Variants in ITPKA observed in about 807,000 individuals in gnomAD.
ITPKA encodes the protein IP3 3-kinase A.
ITPKA carries 16 observed loss-of-function variants against 40.7 expected under a neutral mutation model. That is an observed-to-expected ratio of 0.39 (90% CI 0.27 to 0.60). The LOEUF (loss-of-function observed/expected upper bound fraction) is 0.60, where lower values mean the gene tolerates loss of function less well. Among genes scored for constraint, ITPKA ranks in the 20% least tolerant of loss-of-function variants. The pLI, the probability that ITPKA is intolerant of heterozygous loss-of-function variation, is 0.50. For synonymous variants in ITPKA, 313 were observed against 289.9 expected (o/e 1.08, Z -0.81); for missense variants, 540 against 649.3 (o/e 0.83, Z 1.83).
chr15:41,502,211 G>A lies in ITPKA; in HGVS notation c.1008+10G>A, dbSNP rs1415373673. On this transcript the variant is annotated intron_variant, in intron 4 of 6. Transcript: ENST00000260386. ...CATCGAGGGCATCAAGGTGAGGCAG[G>A]CGCGCTTCGCTGGCACCGCCGCAGC... 1 of 1,558,864 alleles carries A rather than the reference G, an allele frequency of 6.4e-7. No individual in the cohort carries two copies. Among genetic ancestry groups the A allele is most frequent in the Non-Finnish European group, 8.7e-7 (1 of 1,150,480 alleles).
At position 41,503,156 on chromosome 15, in the gene ITPKA, C is replaced by T; in HGVS notation, c.1376C>T (p.Ala459Val). 6.3e-7 allele frequency: 1 copy of T among 1,584,578 alleles called. No individual in the cohort carries two copies. The highest frequency in any genetic ancestry group is 1.7e-5 in the Admixed American group (1 of 58,948). Residue 459 changes from alanine (A) to valine (V), a missense_variant, in exon 7 of 7, where the codon GCT (alanine) becomes GTT (valine). Ala to Val is a moderately conservative substitution (Grantham distance 64). Coordinates refer to ENST00000260386, the MANE Select transcript of ITPKA (RefSeq NM_002220.3). ...DNLIGILASL[A>V]ER The stretch of plus-strand genomic sequence containing the variant: ...CTCATTGGCATCCTGGCCAGCCTGG[C>T]TGAGAGATGAGGCTGGACTCCTGTC...
At chr15:41,496,796 G>A (rs946639101) in intron 1 of ITPKA, among the ~76,000 whole-genome samples, 2 of 152,140 alleles carry the variant, frequency 1.3e-5, no homozygotes, top group African/African-American at 4.8e-5. Context: ...AGGTGAAGTC[G>A]TGGGTCACTT....
In ITPKA at chr15:41,502,992, C is replaced by G; in HGVS notation, c.1212C>G (p.His404Gln). 6.2e-7 allele frequency: 1 copy of G among 1,606,476 alleles called. No individual in the cohort carries two copies. Among genetic ancestry groups the G allele is most frequent in the Non-Finnish European group, 8.5e-7 (1 of 1,176,122 alleles). Residue 404 changes from histidine (H) to glutamine (Q), a missense_variant, in exon 7 of 7, where the codon CAC becomes CAG. Transcript: ENST00000260386. ...TCGGCAGCTCGCTCCTCTTTGTGCACGATCACTGCCATCGCGCCGGCGTGT... is the reference window on the plus strand; with the variant it reads ...TCGGCAGCTCGCTCCTCTTTGTGCAGGATCACTGCCATCGCGCCGGCGTGT... ...EVIGSSLLFV[H>Q]DHCHRAGVWL...
At chr15:41,495,255 C>T (rs545936262) in intron 1 of ITPKA, among the ~76,000 whole-genome samples, 2 of 152,358 alleles carry the variant, frequency 1.3e-5, no homozygotes, top group South Asian at 4.1e-4. Context: ...TAACCAAGGC[C>T]AAATACCTTG....
intron 1 of ITPKA, among the ~76,000 whole-genome samples, chr15:41,497,314 C>T (rs1466324316): frequency 6.6e-6 from 1 of 152,136 alleles, no homozygotes; most frequent in Non-Finnish European, 1.5e-5. Context: ...GATGTTCAAG[C>T]TTCTCCCGGG....
In ITPKA at chr15:41,499,450, C is replaced by T. The variant is rs574165596; in HGVS notation, c.490-2013C>T. 3.9e-5 allele frequency among the ~76,000 whole-genome samples: 6 copies of T among 152,302 alleles called. 1 individual carries two copies. The South Asian group carries it at 1.2e-3, about 32-fold the overall frequency. On this transcript the variant is annotated intron_variant, in intron 1 of 6. Coordinates refer to ENST00000260386, the MANE Select transcript of ITPKA (RefSeq NM_002220.3). ...TATGTCCTCCCAGGGGAAACAGGCC[C>T]ACACAGATGGCAGTACTTGGTTGGG... is the stretch of plus-strand genomic sequence containing the variant.
chr15:41,497,796 G>A (rs917348840), intron 1 of ITPKA, among the ~76,000 whole-genome samples: 4 of 152,054 alleles, frequency 2.6e-5, no homozygotes, highest in African/African-American at 9.7e-5. Flanking sequence ...AAGGCGGGAG[G>A]ATCACTTGAA....
At position 41,501,192 on chromosome 15, in the gene ITPKA, A is replaced by T. The variant is rs1343060240; in HGVS notation, c.490-271A>T. The T allele has an allele frequency of 1.1e-5, 4 of 371,854 alleles. No individual in the cohort carries two copies. In the East Asian group the frequency reaches 6.5e-4, roughly 61 times the overall value. The allele number at this position is 371,854 out of a possible 1,614,324, so 23.0% of individuals were successfully genotyped here. A position where few individuals can be genotyped will look rare whatever the true frequency, so the allele number is the denominator to read the frequency against. On this transcript the variant is annotated intron_variant, in intron 1 of 6. Coordinates refer to ENST00000260386, the MANE Select transcript of ITPKA (RefSeq NM_002220.3). ...CTGCCCACGCGTTCTTCAGTGGCAG[A>T]GCTGGAGCGCAAACCGGGGGCTTCA...
rs968652268 is a variant in ITPKA, at chr15:41,503,484, C to G, written c.*318C>G. On this transcript the variant is annotated 3_prime_UTR_variant, in exon 7 of 7. Coordinates refer to ENST00000260386, the MANE Select transcript of ITPKA (RefSeq NM_002220.3). ...AGACCGCGGATTTTATTTAGCAAGC[C>G]CAGACCTTCCGGTCTAACGTCTCAC... 3 of 620,982 alleles carry G rather than the reference C, an allele frequency of 4.8e-6. No homozygotes were observed. The highest frequency in any genetic ancestry group is 3.6e-5 in the African/African-American group (2 of 55,846). 38.5% of individuals were successfully genotyped at this position (620,982 alleles called of 1,614,324 possible). A position where few individuals can be genotyped will look rare whatever the true frequency, so the allele number is the denominator to read the frequency against.
intron 1 of ITPKA, 184 bp from the exon 2 acceptor site, chr15:41,501,279 G>C: frequency 1.0e-6 from 1 of 982,976 alleles, no homozygotes. Context: ...CACTGCGCCT[G>C]TATCAGCACC....
At chr15:41,497,014 A>G (rs1622914) in intron 1 of ITPKA, among the ~76,000 whole-genome samples, 54,256 of 151,882 alleles carry the variant, frequency 0.36, 9,959 homozygotes, top group African/African-American at 0.39. Context: ...GGTCTGCTCC[A>G]GCAGAAGATA....
In ITPKA at chr15:41,502,021, C is replaced by T. The variant is rs772164396; in HGVS notation, c.828C>T (p.Thr276=). ...GVRTYLEEEL[T]KARERPKLRK... is the part of the protein sequence containing the mutation. ...GGACTTACCTAGAGGAGGAGCTGAC[C>T]AAGGCCCGTGAGCGGCCCAAGCTGC... is the stretch of plus-strand genomic sequence containing the variant. The change falls in exon 4 of 7, where the codon ACC becomes ACT. Residue 276 remains threonine (T), a synonymous_variant. Transcript: ENST00000260386. 1.2e-6 allele frequency: 2 copies of T among 1,613,142 alleles called. No homozygotes were observed. Among genetic ancestry groups the T allele is most frequent in the Non-Finnish European group, 1.7e-6 (2 of 1,179,924 alleles).
intron 1 of ITPKA, chr15:41,501,240 C>G (rs1413522900): frequency 1.2e-6 from 1 of 856,938 alleles, no homozygotes; most frequent in East Asian, 1.2e-4. Context: ...AGGCTCTTGA[C>G]AGCTCACTGG....
chr15:41,494,050 C>A lies in ITPKA; in HGVS notation c.123C>A (p.Arg41=). The A allele has an allele frequency of 8.2e-7, 1 of 1,219,752 alleles. No homozygotes were observed. The highest frequency in any genetic ancestry group is 1.0e-6 in the Non-Finnish European group (1 of 981,562). The allele number at this position is 1,219,752 out of a possible 1,614,324, so 75.6% of individuals were successfully genotyped here. ...VGELRLLFEA[R]CAAVAAAAAA... is the part of the protein sequence containing the mutation. ...AGCTGCGCCTGCTCTTCGAGGCGCG[C>A]TGTGCGGCGGTCGCTGCGGCCGCCG... is the stretch of plus-strand genomic sequence containing the variant. The change falls in exon 1 of 7, where the codon CGC becomes CGA. Residue 41 remains arginine (R), a synonymous_variant. Coordinates refer to ENST00000260386, the MANE Select transcript of ITPKA (RefSeq NM_002220.3). The surrounding 1 kb of genome is among the most constrained non-coding windows in gnomAD (Gnocchi z 7.8).
Position 41,501,669 on chromosome 15 carries a change from C to T in ITPKA, c.621C>T (p.Ile207=). 6.2e-7 allele frequency: 1 copy of T among 1,609,490 alleles called. No individual in the cohort carries two copies. The highest frequency in any genetic ancestry group is 2.2e-5 in the East Asian group (1 of 44,734). ...AGGCGGCGGGCACCAGCGGGCTGAT[C>T]CTGAAGCGCTGCTCGGAGCCGGAGC... ...SFKAAGTSGL[I]LKRCSEPERY... The change falls in exon 3 of 7, where the codon ATC becomes ATT. Residue 207 remains isoleucine, a synonymous_variant. Coordinates refer to ENST00000260386, the MANE Select transcript of ITPKA (RefSeq NM_002220.3).
At chr15:41,502,535 G>A (rs1459516964) in intron 5 of ITPKA, 32 bp downstream of exon 5, 4 of 1,313,864 alleles carry the variant, frequency 3.0e-6, no homozygotes, top group East Asian at 2.3e-5. Flanking sequence ...CTGAGGTGTT[G>A]GGGAGCCTGA....
chr15:41,497,331 C>T (rs2051080207), intron 1 of ITPKA, among the ~76,000 whole-genome samples: 1 of 152,174 alleles, frequency 6.6e-6, no homozygotes, highest in South Asian at 2.1e-4. Context: ...CGGGTTCAAG[C>T]GATTCTCCTG....
In ITPKA at chr15:41,502,782, C is replaced by T. The variant is rs2051128742; in HGVS notation, c.1111-6C>T. On this transcript the variant is annotated splice_region_variant and splice_polypyrimidine_tract_variant and intron_variant, in intron 5 of 6. Transcript: ENST00000260386. The stretch of plus-strand genomic sequence containing the variant: ...TTGCCCTCCTCTCCCACCCCACCCT[C>T]TGCAGAGGCGGTATCTGAACCGCCT... 2 of 1,605,460 alleles carry T rather than the reference C, an allele frequency of 1.2e-6. No homozygotes were observed. The highest frequency in any genetic ancestry group is 2.2e-5 in the East Asian group (1 of 44,612).
chr15:41,495,099 G>T (rs1207154042), intron 1 of ITPKA, among the ~76,000 whole-genome samples: 3 of 152,238 alleles, frequency 2.0e-5, no homozygotes, highest in Non-Finnish European at 2.9e-5. Context: ...GGATCACTCT[G>T]CTAGTCTCTG....
Sources: gnomAD v4.1 joint callset for allele counts (sites outside exome capture counted in the v4.1 genomes callset) on GRCh38, gnomAD v4.1.1 for gene constraint, Gnocchi (gnomAD v3.1) non-coding constraint, MANE v1.5 for transcripts, NCBI Gene and HGNC (gene_info 2026-07-23, HGNC 2026-07-21) for gene names.